The following DIPK2B variants were observed in gnomAD, a reference collection of about 807,000 sequenced individuals.
DIPK2B encodes the protein divergent protein kinase domain 2B, also known as UPF0672 protein CXorf36.
A neutral mutation model predicts 22.2 loss-of-function variants in DIPK2B; 15 were observed. The observed-to-expected ratio is 0.68, with a 90% CI of 0.45 to 1.04. The LOEUF (loss-of-function observed/expected upper bound fraction) is 1.04, where lower values mean the gene tolerates loss of function less well. Among genes scored for constraint, DIPK2B ranks in the 50% least tolerant of loss-of-function variants. The pLI is 0.00. For missense variants in DIPK2B, 345 were observed against 348.3 expected, an observed-to-expected ratio of 0.99 and a Z score of 0.08; for synonymous variants, 163 against 153.2, an observed-to-expected ratio of 1.06 and a Z score of -0.47.
At chrX:45,185,607 A>G (rs2047177764) in intron 2 of DIPK2B, among the ~76,000 whole-genome samples, 1 of 107,408 alleles carries the variant, frequency 9.3e-6, no homozygotes, top group Admixed American at 1.0e-4. Flanking sequence ...TGTCTGTGTC[A>G]GGACTGGGGA....
At chrX:45,191,690 A>G in intron 2 of DIPK2B, 61 bp downstream of exon 2, 1 of 1,077,075 alleles carries the variant, frequency 9.3e-7, no homozygotes, top group Non-Finnish European at 1.3e-6. Flanking sequence ...ATGGGAATGA[A>G]TCTCTCTCTC....
At chrX:45,164,149 T>C in intron 2 of DIPK2B, 1 of 1,162,439 alleles carries the variant, frequency 8.6e-7, no homozygotes, top group Non-Finnish European at 1.2e-6. Context: ...AGGCTAACAC[T>C]TTCTGGAAGT....
intron 2 of DIPK2B, among the ~76,000 whole-genome samples, chrX:45,173,995 G>T (rs1337643072): frequency 9.0e-6 from 1 of 111,175 alleles, no homozygotes; most frequent in Non-Finnish European, 1.9e-5. Context: ...AGAAGGAAGG[G>T]TCTGGGGAGA....
chrX:45,153,851 A>G, intron 4 of DIPK2B, 59 bp downstream of exon 4: 1 of 1,095,366 alleles, frequency 9.1e-7, no homozygotes, highest in Non-Finnish European at 1.2e-6. Context: ...ACCCCTCCCT[A>G]GCTCCTGTCA....
Position 45,151,325 on chromosome X carries a change from G to C in DIPK2B, c.*327C>G. 1 of 254,678 alleles carries C rather than the reference G, an allele frequency of 3.9e-6. No homozygotes were observed. Among genetic ancestry groups the C allele is most frequent in the Non-Finnish European group, 6.9e-6 (1 of 144,843 alleles). 21.0% of individuals were successfully genotyped at this position (254,678 alleles called of 1,213,427 possible). On this transcript the variant is annotated 3_prime_UTR_variant, in exon 5 of 5. Transcript: ENST00000398000. ...AGCATGTGTCCCAAGACCCATGCTT[G>C]GGATATATGCTCAGTGGTGGCTCCA...
intron 4 of DIPK2B, among the ~76,000 whole-genome samples, chrX:45,152,374 T>C (rs2046966733): frequency 9.2e-6 from 1 of 108,399 alleles, no homozygotes; most frequent in African/African-American, 3.4e-5. Flanking sequence ...AAAAAATTAC[T>C]GGGTGAACTA....
At chrX:45,194,673 C>T (rs1488340625) in intron 1 of DIPK2B, among the ~76,000 whole-genome samples, 3 of 111,793 alleles carry the variant, frequency 2.7e-5, no homozygotes, top group Non-Finnish European at 5.6e-5. Flanking sequence ...TGGCAGGATC[C>T]TTGAAGATTA....
At chrX:45,168,137 C>A (rs986792958) in intron 2 of DIPK2B, among the ~76,000 whole-genome samples, 4 of 112,700 alleles carry the variant, frequency 3.5e-5, no homozygotes, top group South Asian at 3.6e-4. Flanking sequence ...GCTCCCAAAT[C>A]GTTTCAATGT....
rs2047264028 is a variant in DIPK2B, at chrX:45,200,836, T to C, written c.-10A>G. 2 of 1,158,569 alleles carry C rather than the reference T, an allele frequency of 1.7e-6. No homozygotes were observed. Among genetic ancestry groups the C allele is most frequent in the Non-Finnish European group, 2.3e-6 (2 of 864,519 alleles). On this transcript the variant is annotated 5_prime_UTR_variant, in exon 1 of 5. Coordinates refer to ENST00000398000, the MANE Select transcript of DIPK2B (RefSeq NM_176819.4). ...CCAGCTGGGGCTCCATCTTGGGCTCTGGGCTCCAGCTGCAGCCTCTGGCTG... is the reference window on the plus strand; with the variant it reads ...CCAGCTGGGGCTCCATCTTGGGCTCCGGGCTCCAGCTGCAGCCTCTGGCTG...
At chrX:45,196,279 T>A (rs934423782) in intron 1 of DIPK2B, among the ~76,000 whole-genome samples, 1 of 111,161 alleles carries the variant, frequency 9.0e-6, no homozygotes, top group Non-Finnish European at 1.9e-5. Flanking sequence ...GTCACCTGAA[T>A]GAATGGGTGG....
At chrX:45,179,638 G>A (rs2047138093) in intron 2 of DIPK2B, among the ~76,000 whole-genome samples, 1 of 111,254 alleles carries the variant, frequency 9.0e-6, no homozygotes, top group African/African-American at 3.3e-5. Flanking sequence ...CTTCTTTACT[G>A]GGTTTAACAG....
chrX:45,153,827 C>T lies in DIPK2B; in HGVS notation c.961+83G>A, dbSNP rs184665277. Reference sequence around the variant, plus strand: ...TGCAGAGATGGGAAAGGCCCAATAGCATGACCCCTGGCCACCCCTCCCTAG... The same window carrying T: ...TGCAGAGATGGGAAAGGCCCAATAGTATGACCCCTGGCCACCCCTCCCTAG... On this transcript the variant is annotated intron_variant, in intron 4 of 4. Transcript: ENST00000398000. 491 of 874,585 alleles carry T rather than the reference C, an allele frequency of 5.6e-4. 9 individuals are homozygous for T. The Admixed American group carries it at 0.014, about 25-fold the overall frequency. The allele number at this position is 874,585 out of a possible 1,213,427, so 72.1% of individuals were successfully genotyped here. A position where few individuals can be genotyped will look rare whatever the true frequency, so the allele number is the denominator to read the frequency against.
chrX:45,189,756 A>G (rs916835638), intron 2 of DIPK2B, among the ~76,000 whole-genome samples: 1 of 111,872 alleles, frequency 8.9e-6, no homozygotes, highest in Admixed American at 9.5e-5. Flanking sequence ...GAGGAGAGAT[A>G]GAGAAGATGG....
intron 3 of DIPK2B, among the ~76,000 whole-genome samples, chrX:45,155,489 G>A (rs1053591802): frequency 3.7e-4 from 40 of 107,198 alleles, no homozygotes; most frequent in African/African-American, 1.2e-3. Flanking sequence ...CCTTGTTCTC[G>A]GACAGGGCAA....
intron 1 of DIPK2B, among the ~76,000 whole-genome samples, chrX:45,194,789 C>A (rs762511381): frequency 1.2e-4 from 14 of 112,268 alleles, no homozygotes; most frequent in Non-Finnish European, 2.4e-4. Context: ...ATATATGTGA[C>A]CTTTCTGAAG....
intron 2 of DIPK2B, among the ~76,000 whole-genome samples, chrX:45,171,892 CT>C (rs753228091): frequency 8.9e-6 from 1 of 112,479 alleles, no homozygotes; most frequent in Non-Finnish European, 1.9e-5. Context: ...CCTAAGAGAT[CT>C]TTAATAAGCA....
chrX:45,192,400 C>A (rs1016580370), intron 1 of DIPK2B, among the ~76,000 whole-genome samples: 1 of 110,912 alleles, frequency 9.0e-6, no homozygotes, highest in Non-Finnish European at 1.9e-5. Context: ...AGCTTAAGTA[C>A]CTTGGCCAAG....
At chrX:45,181,943 G>A (rs1043574043) in intron 2 of DIPK2B, among the ~76,000 whole-genome samples, 2 of 110,775 alleles carry the variant, frequency 1.8e-5, no homozygotes, top group African/African-American at 3.3e-5. Flanking sequence ...AGCTGAGCAC[G>A]GTGTACACCT....
At position 45,151,608 on chromosome X, in the gene DIPK2B, A is replaced by G. The variant is rs2046961349; in HGVS notation, c.*44T>C. ...TGCAGCAACCCGACTGGGAGAATGG[A>G]GAGCCAAGCGTGTTGTCCCCAAGGC... is the stretch of plus-strand genomic sequence containing the variant. On this transcript the variant is annotated 3_prime_UTR_variant, in exon 5 of 5. Transcript: ENST00000398000. The G allele has an allele frequency of 3.5e-6, 4 of 1,132,977 alleles. No homozygotes were observed. In the South Asian group the frequency reaches 8.0e-5, roughly 23 times the overall value. 93.4% of individuals were successfully genotyped at this position (1,132,977 alleles called of 1,213,427 possible). A position where few individuals can be genotyped will look rare whatever the true frequency, so the allele number is the denominator to read the frequency against.
Sources: gnomAD v4.1 joint callset for allele counts (sites outside exome capture counted in the v4.1 genomes callset) on GRCh38, gnomAD v4.1.1 for gene constraint, MANE v1.5 for transcripts, NCBI Gene and HGNC (gene_info 2026-07-23, HGNC 2026-07-21) for gene names.